ROR1: variants seen among roughly 807,000 people sequenced by gnomAD.
The protein encoded by ROR1 is inactive tyrosine-protein kinase transmembrane receptor ROR1.
In ROR1, 19 loss-of-function variants were observed where a neutral mutation model predicts 78.8. That is an observed-to-expected ratio of 0.24 (90% CI 0.17 to 0.35). The LOEUF is 0.35. Ranked by LOEUF, ROR1 falls within the 10% of genes least tolerant of loss-of-function variation. The probability of loss-of-function intolerance (pLI) is 1.00; values close to 1 mark genes in which losing one functional copy is unlikely to be tolerated. For synonymous variants in ROR1, 386 were observed against 433.6 expected (o/e 0.89, Z 1.36); for missense variants, 917 against 1,177.8 (o/e 0.78, Z 3.24).
chr1:63,843,656 G>T, intron 1 of ROR1: 1 of 581,650 alleles, frequency 1.7e-6, no homozygotes, highest in South Asian at 1.5e-5. Flanking sequence ...ACATGTTCAT[G>T]ACACCATCAG....
intron 1 of ROR1, among the ~76,000 whole-genome samples, chr1:63,812,480 G>C (rs1045050813): frequency 1.3e-5 from 2 of 152,170 alleles, no homozygotes; most frequent in Admixed American, 6.5e-5. Context: ...AGGAGGGCTG[G>C]GGACATTGAA....
At chr1:63,957,519 T>A (rs965137753) in intron 1 of ROR1, among the ~76,000 whole-genome samples, 1 of 152,128 alleles carries the variant, frequency 6.6e-6, no homozygotes, top group African/African-American at 2.4e-5. Context: ...CCTATTCTCC[T>A]CCTGCCCTCA....
At chr1:64,097,920 T>A (rs542587996) in intron 4 of ROR1, among the ~76,000 whole-genome samples, 1 of 152,096 alleles carries the variant, frequency 6.6e-6, no homozygotes, top group African/African-American at 2.4e-5. Flanking sequence ...AGTTGCTGAA[T>A]AGTAAGTGCT....
intron 4 of ROR1, among the ~76,000 whole-genome samples, chr1:64,108,687 C>T (rs771702299): frequency 6.6e-6 from 1 of 151,992 alleles, no homozygotes; most frequent in African/African-American, 2.4e-5. Flanking sequence ...CATTCTACAA[C>T]AAAAAGTTAG....
intron 4 of ROR1, among the ~76,000 whole-genome samples, chr1:64,077,829 A>T (rs1034470658): frequency 6.6e-6 from 1 of 152,264 alleles, no homozygotes; most frequent in Non-Finnish European, 1.5e-5. Context: ...TAGAACCAGC[A>T]TGTCCTTGCT....
chr1:63,841,600 C>G (rs1645049623), intron 1 of ROR1, among the ~76,000 whole-genome samples: 1 of 152,092 alleles, frequency 6.6e-6, no homozygotes, highest in African/African-American at 2.4e-5. Flanking sequence ...AAAGTACATA[C>G]CCTGTATTTG....
intron 1 of ROR1, among the ~76,000 whole-genome samples, chr1:63,862,522 T>C (rs149539509): frequency 2.9e-4 from 44 of 151,902 alleles, no homozygotes; most frequent in African/African-American, 1.0e-3. Context: ...CCATAACCCA[T>C]CTGTTCTTCA....
At chr1:64,131,020 G>C (rs1181061254) in intron 4 of ROR1, among the ~76,000 whole-genome samples, 3 of 152,176 alleles carry the variant, frequency 2.0e-5, no homozygotes, top group South Asian at 2.1e-4. Context: ...TCATGGCCAT[G>C]ATGGTCTTTT....
chr1:64,018,288 G>A (rs972607471), intron 2 of ROR1, among the ~76,000 whole-genome samples: 4 of 152,152 alleles, frequency 2.6e-5, no homozygotes, highest in African/African-American at 9.7e-5. Flanking sequence ...TCCTCCCTCA[G>A]TTTCCTGCTT....
chr1:63,867,801 A>G (rs1212899818), intron 1 of ROR1, among the ~76,000 whole-genome samples: 4 of 152,254 alleles, frequency 2.6e-5, no homozygotes, highest in African/African-American at 4.8e-5. Context: ...TCCATAGGTT[A>G]CTGTTGGACC....
intron 1 of ROR1, among the ~76,000 whole-genome samples, chr1:63,995,077 TG>T (rs1646326602): frequency 6.6e-6 from 1 of 152,176 alleles, no homozygotes; most frequent in Non-Finnish European, 1.5e-5. Context: ...AAGCTGCAGG[TG>T]GAATGCCATT....
At chr1:63,934,288 G>T (rs1352669526) in intron 1 of ROR1, among the ~76,000 whole-genome samples, 1 of 152,080 alleles carries the variant, frequency 6.6e-6, no homozygotes, top group Non-Finnish European at 1.5e-5. Context: ...TTTGAACCGA[G>T]CCATACCAGT....
At chr1:64,071,157 C>G (rs563486710) in intron 4 of ROR1, among the ~76,000 whole-genome samples, 1 of 152,168 alleles carries the variant, frequency 6.6e-6, no homozygotes, top group East Asian at 1.9e-4. Context: ...CGAGCAGGAG[C>G]TACGCGTTAC....
At chr1:64,066,991 A>G (rs1466919166) in intron 4 of ROR1, among the ~76,000 whole-genome samples, 1 of 152,188 alleles carries the variant, frequency 6.6e-6, no homozygotes, top group Non-Finnish European at 1.5e-5. Flanking sequence ...CTAAGTCTTC[A>G]AACTCCAGTG....
rs536821127 is a variant in ROR1 at position 63,986,754 on chromosome 1, A to G, written c.92-22551A>G. Among the ~76,000 whole-genome samples, 3 of 152,026 alleles carry G rather than the reference A, an allele frequency of 2.0e-5. No homozygotes were observed. In the South Asian group the frequency reaches 6.3e-4, roughly 32 times the overall value. ...ACAGAAAATTTTTTTTTAATTAGCC[A>G]GACTTGGTGGTGTGTACCTGTGGTC... On this transcript the variant is annotated intron_variant, in intron 1 of 8. Transcript: ENST00000371079.
intron 2 of ROR1, among the ~76,000 whole-genome samples, chr1:64,048,318 A>C (rs1382828685): frequency 6.6e-6 from 1 of 152,224 alleles, no homozygotes; most frequent in Non-Finnish European, 1.5e-5. Context: ...AGTGGCTATC[A>C]ATCAGACAGT....
At chr1:63,881,887 A>C (rs1414558038) in intron 1 of ROR1, among the ~76,000 whole-genome samples, 2 of 152,180 alleles carry the variant, frequency 1.3e-5, no homozygotes, top group African/African-American at 4.8e-5. Flanking sequence ...GTCTGGACAC[A>C]GTGATTGATT....
chr1:63,878,446 A>G (rs765437893), intron 1 of ROR1, among the ~76,000 whole-genome samples: 1 of 151,664 alleles, frequency 6.6e-6, no homozygotes, highest in Non-Finnish European at 1.5e-5. Flanking sequence ...GTCTCTGTAC[A>G]TTTTCTCTGT....
At chr1:63,995,018 TTGTGAAAGTTCCTA>T (rs1390440767) in intron 1 of ROR1, among the ~76,000 whole-genome samples, 2 of 152,206 alleles carry the variant, frequency 1.3e-5, no homozygotes, top group Non-Finnish European at 2.9e-5. Context: ...TCTTGCATTT[TTGTGAAAGTTCCTA>T]TGCAGGCAGC....
Sources: allele counts gnomAD v4.1 joint callset (sites outside exome capture counted in the v4.1 genomes callset), GRCh38; gene constraint gnomAD v4.1.1; transcripts MANE v1.5; gene names NCBI Gene and HGNC (gene_info 2026-07-23, HGNC 2026-07-21).